ULK4: variants seen among roughly 807,000 people sequenced by gnomAD.
ULK4 encodes the protein unc-51 like kinase 4, also known as inactive serine/threonine-protein kinase ULK4.
In ULK4, 133 loss-of-function variants were observed where a neutral mutation model predicts 160.6. That is an observed-to-expected ratio of 0.83 (90% CI 0.72 to 0.96). The LOEUF (loss-of-function observed/expected upper bound fraction) is 0.96, where lower values mean the gene tolerates loss of function less well. Among genes scored for constraint, ULK4 ranks in the 40% least tolerant of loss-of-function variants. The probability of loss-of-function intolerance (pLI) is 0.00; values close to 1 mark genes in which losing one functional copy is unlikely to be tolerated. For synonymous variants in ULK4, 534 were observed against 539.8 expected (o/e 0.99, Z 0.15); for missense variants, 1,580 against 1,499.5 (o/e 1.05, Z -0.89).
At chr3:41,536,283 T>A (rs925960798) in intron 32 of ULK4, among the ~76,000 whole-genome samples, 2 of 152,106 alleles carry the variant, frequency 1.3e-5, no homozygotes, top group African/African-American at 4.8e-5. Flanking sequence ...ATATGATGAG[T>A]ATTTCTTCTC....
chr3:41,806,718 A>G (rs536442903), intron 19 of ULK4, among the ~76,000 whole-genome samples: 26 of 152,248 alleles, frequency 1.7e-4, no homozygotes, highest in African/African-American at 5.8e-4. Flanking sequence ...GAACATCTTT[A>G]TTTTAGGCAA....
chr3:41,268,760 G>A (rs1212539551), intron 35 of ULK4, among the ~76,000 whole-genome samples: 2 of 132,522 alleles, frequency 1.5e-5, no homozygotes, highest in African/African-American at 3.0e-5. Context: ...AGCCGAGATC[G>A]CACACTGCAC....
intron 22 of ULK4, among the ~76,000 whole-genome samples, chr3:41,751,339 G>A (rs2038621322): frequency 6.6e-6 from 1 of 152,146 alleles, no homozygotes; most frequent in Non-Finnish European, 1.5e-5. Flanking sequence ...GAAAGCATCT[G>A]CATTTTAGAC....
intron 36 of ULK4, among the ~76,000 whole-genome samples, chr3:41,248,660 T>C (rs925583441): frequency 5.3e-5 from 8 of 152,208 alleles, no homozygotes; most frequent in African/African-American, 1.7e-4. Flanking sequence ...CATAGAAACA[T>C]GTAGTTCTAA....
At chr3:41,567,861 T>C (rs747920848) in intron 31 of ULK4, among the ~76,000 whole-genome samples, 1 of 152,218 alleles carries the variant, frequency 6.6e-6, no homozygotes, top group Non-Finnish European at 1.5e-5. Context: ...TTTAGCTTTA[T>C]AGAAGAGTTT....
At chr3:41,571,343 C>A (rs2087965959) in intron 31 of ULK4, among the ~76,000 whole-genome samples, 1 of 152,164 alleles carries the variant, frequency 6.6e-6, no homozygotes, top group South Asian at 2.1e-4. Context: ...AATGCTAAAT[C>A]CATGCAAAGG....
intron 29 of ULK4, among the ~76,000 whole-genome samples, chr3:41,678,517 A>G (rs1174564091): frequency 6.6e-6 from 1 of 152,204 alleles, no homozygotes; most frequent in Non-Finnish European, 1.5e-5. Flanking sequence ...TAGGCAGAGT[A>G]AAGAGATGGC....
At chr3:41,521,213 C>A (rs981697221) in intron 32 of ULK4, among the ~76,000 whole-genome samples, 6 of 152,062 alleles carry the variant, frequency 3.9e-5, no homozygotes, top group African/African-American at 1.4e-4. Flanking sequence ...ATTTTAGTTT[C>A]TTTTTCCTAC....
At chr3:41,409,840 T>C (rs2082375331) in intron 34 of ULK4, among the ~76,000 whole-genome samples, 1 of 151,954 alleles carries the variant, frequency 6.6e-6, no homozygotes, top group African/African-American at 2.4e-5. Flanking sequence ...TCCCAGCTAC[T>C]TGTGAGTCTA....
chr3:41,309,368 C>A (rs375681646), intron 35 of ULK4, among the ~76,000 whole-genome samples: 1 of 152,018 alleles, frequency 6.6e-6, no homozygotes, highest in African/African-American at 2.4e-5. Context: ...CCTATGCTGC[C>A]CAGGCTGGAG....
chr3:41,953,311 T>TATATATATAC (rs1700364805), intron 2 of ULK4, among the ~76,000 whole-genome samples: 1 of 98,524 alleles, frequency 1.0e-5, no homozygotes, highest in African/African-American at 2.9e-5. Context: ...TATATTTTTT[T>TATATATATAC]TTTTTTTTGA....
chr3:41,285,683 AC>A (rs2125698469), intron 35 of ULK4, among the ~76,000 whole-genome samples: 1 of 152,310 alleles, frequency 6.6e-6, no homozygotes, highest in East Asian at 1.9e-4. Context: ...ACAAGTCACC[AC>A]AAAATAACTT....
At chr3:41,366,996 T>C (rs1215422894) in intron 35 of ULK4, among the ~76,000 whole-genome samples, 1 of 152,254 alleles carries the variant, frequency 6.6e-6, no homozygotes, top group Admixed American at 6.5e-5. Flanking sequence ...TCAATCCCTC[T>C]ACTGGGATTT....
intron 21 of ULK4, among the ~76,000 whole-genome samples, chr3:41,773,575 T>C (rs912292905): frequency 5.9e-5 from 9 of 152,152 alleles, no homozygotes; most frequent in Admixed American, 4.6e-4. Context: ...TTAAAGAGGA[T>C]ACAAACAAAT....
chr3:41,543,671 T>C (rs973131211), intron 32 of ULK4, among the ~76,000 whole-genome samples: 10 of 152,212 alleles, frequency 6.6e-5, no homozygotes, highest in African/African-American at 2.2e-4. Context: ...AGAAATTTCA[T>C]CTAAGTTATC....
intron 31 of ULK4, among the ~76,000 whole-genome samples, chr3:41,586,361 AG>A (rs1455828902): frequency 1.3e-5 from 2 of 152,208 alleles, no homozygotes; most frequent in Non-Finnish European, 2.9e-5. Context: ...ATGAATCTCA[AG>A]GACATTATGC....
At chr3:41,477,904 A>G (rs2125893244) in intron 32 of ULK4, among the ~76,000 whole-genome samples, 1 of 152,366 alleles carries the variant, frequency 6.6e-6, no homozygotes, top group Non-Finnish European at 1.5e-5. Flanking sequence ...AGATTTGCCT[A>G]TGCTATTTTA....
intron 27 of ULK4, among the ~76,000 whole-genome samples, chr3:41,698,482 C>G (rs539362990): frequency 1.3e-5 from 2 of 152,150 alleles, no homozygotes; most frequent in South Asian, 4.2e-4. Flanking sequence ...TAGAGAATTT[C>G]AGATTTTCAG....
chr3:41,816,218 G>A (rs1026119495), intron 19 of ULK4, among the ~76,000 whole-genome samples: 3 of 151,992 alleles, frequency 2.0e-5, no homozygotes, highest in Admixed American at 6.6e-5. Context: ...AAATGCACAT[G>A]CACATGAATA....
Sources: allele counts gnomAD v4.1 joint callset (sites outside exome capture counted in the v4.1 genomes callset), GRCh38; gene constraint gnomAD v4.1.1; transcripts MANE v1.5; gene names NCBI Gene and HGNC (gene_info 2026-07-23, HGNC 2026-07-21).